Variants in SMARCA4 observed in about 807,000 individuals in gnomAD.
SMARCA4 encodes SWI/SNF-related matrix-associated actin-dependent regulator of chromatin subfamily A member 4.
Under a neutral mutation model 193.9 loss-of-function variants are expected in SMARCA4, and 31 were observed. The observed-to-expected ratio is 0.16, with a 90% CI of 0.12 to 0.22. SMARCA4 has a LOEUF of 0.22. Among genes scored for constraint, SMARCA4 ranks in the 10% least tolerant of loss-of-function variants. The probability of loss-of-function intolerance (pLI) is 1.00; values close to 1 mark genes in which losing one functional copy is unlikely to be tolerated. For synonymous variants in SMARCA4, 942 were observed against 933.1 expected, an observed-to-expected ratio of 1.01 and a Z score of -0.17; for missense variants, 1,148 against 2,296.0, an observed-to-expected ratio of 0.50 and a Z score of 10.22.
At position 11,019,579 on chromosome 19, in the gene SMARCA4, C is replaced by T. The variant is rs2146372286; in HGVS notation, c.2506-12C>T. The T allele has an allele frequency of 6.3e-7, 1 of 1,591,944 alleles. No homozygotes were observed. The highest frequency in any genetic ancestry group is 8.6e-7 in the Non-Finnish European group (1 of 1,163,750). On this transcript the variant is annotated splice_polypyrimidine_tract_variant and intron_variant, in intron 17 of 34. Coordinates refer to ENST00000344626, the MANE Select transcript of SMARCA4 (RefSeq NM_003072.5). The surrounding 1 kb of genome is among the most constrained non-coding windows in gnomAD (Gnocchi z 6.1). ...TCCAAAAGCCGAGCTGTGCATCCTG[C>T]TTCCCTTGCAGGGATCCCCAGCAGC...
chr19:10,999,753 A>G (rs1208320631), intron 11 of SMARCA4, among the ~76,000 whole-genome samples: 2 of 152,206 alleles, frequency 1.3e-5, no homozygotes, highest in East Asian at 1.9e-4. Context: ...CCATAATTCT[A>G]AAATCAGCAA....
intron 14 of SMARCA4, among the ~76,000 whole-genome samples, chr19:11,009,837 T>C (rs976950948): frequency 2.0e-5 from 3 of 151,280 alleles, no homozygotes; most frequent in African/African-American, 7.3e-5. Flanking sequence ...TACAGGCGCC[T>C]GCCACCACGC....
At chr19:11,047,946 G>C (rs905192585) in intron 30 of SMARCA4, among the ~76,000 whole-genome samples, 1 of 152,156 alleles carries the variant, frequency 6.6e-6, no homozygotes, top group Non-Finnish European at 1.5e-5. Flanking sequence ...TTGGGGCGAA[G>C]TTACATTCTT....
rs1327540555 is a variant in SMARCA4, at chr19:11,030,355, C to T, written c.3383-375C>T. Among the ~76,000 whole-genome samples the T allele has an allele frequency of 1.3e-5, 2 of 152,220 alleles. No homozygotes were observed. The highest frequency in any genetic ancestry group is 2.9e-5 in the Non-Finnish European group (2 of 68,044). On this transcript the variant is annotated intron_variant, in intron 24 of 34. Coordinates refer to ENST00000344626, the MANE Select transcript of SMARCA4 (RefSeq NM_003072.5). The surrounding 1 kb of genome is among the most constrained non-coding windows in gnomAD (Gnocchi z 5.5). The stretch of plus-strand genomic sequence containing the variant: ...GCATTGGCCGCTGTGTCTTCCGCTC[C>T]CCATGGAATGGCACAGGGTAGAGTA...
chr19:10,973,865 C>T (rs561327444), intron 1 of SMARCA4, among the ~76,000 whole-genome samples: 44 of 152,268 alleles, frequency 2.9e-4, no homozygotes, highest in Middle Eastern at 3.4e-3. Flanking sequence ...CCACCGCGCC[C>T]GGCCTGGAGG....
chr19:11,060,593 A>G, intron 34 of SMARCA4: 1 of 293,218 alleles, frequency 3.4e-6, no homozygotes, highest in East Asian at 7.7e-5. Context: ...GAGAATGGGC[A>G]GAAACGCCAA....
rs774456140 is a variant in SMARCA4, at chr19:11,033,759, A to G, written c.3775-8A>G. 3 of 779,868 alleles carry G rather than the reference A, an allele frequency of 3.8e-6. No individual in the cohort carries two copies. The highest frequency in any genetic ancestry group is 4.8e-6 in the Non-Finnish European group (2 of 418,366). 48.3% of individuals were successfully genotyped at this position (779,868 alleles called of 1,614,324 possible). A position where few individuals can be genotyped will look rare whatever the true frequency, so the allele number is the denominator to read the frequency against. ...CCCTGGAGACTGAAGTCCTCTATTT[A>G]TCCACAGAGCAGACACTGCAGCACG... On this transcript the variant is annotated splice_region_variant and splice_polypyrimidine_tract_variant and intron_variant, in intron 26 of 34. Transcript: ENST00000344626. This position sits in a 1 kb window ranked among gnomAD's most constrained non-coding sequence, Gnocchi z 9.8.
At chr19:10,962,909 A>G (rs1743302721) in intron 1 of SMARCA4, among the ~76,000 whole-genome samples, 1 of 151,954 alleles carries the variant, frequency 6.6e-6, no homozygotes, top group African/African-American at 2.4e-5. Flanking sequence ...TCATACATCA[A>G]CTTGGTCCTT....
At chr19:11,015,001 G>A (rs1745125174) in intron 16 of SMARCA4, among the ~76,000 whole-genome samples, 2 of 151,922 alleles carry the variant, frequency 1.3e-5, no homozygotes, top group South Asian at 4.1e-4. Flanking sequence ...TTTTAGTAGA[G>A]ACAGGGTTTC....
At chr19:11,060,276 C>G in intron 34 of SMARCA4, 89 bp downstream of exon 34, 1 of 1,441,484 alleles carries the variant, frequency 6.9e-7, no homozygotes, top group Non-Finnish European at 9.5e-7. Context: ...GGCGGTGCTC[C>G]CACGCCCCCA....
rs747530982 is a variant in SMARCA4, at chr19:11,041,255, G to A, written c.4171-52G>A. ...CCCCTGGGATTGCGTCGCGGCCTCT[G>A]CTTGTCGACCTGGGTGCTGGCTGTC... On this transcript the variant is annotated intron_variant, in intron 29 of 34. Transcript: ENST00000344626. This position sits in a 1 kb window ranked among gnomAD's most constrained non-coding sequence, Gnocchi z 5.6. The A allele has an allele frequency of 5.1e-6, 8 of 1,565,642 alleles. No homozygotes were observed. Among genetic ancestry groups the A allele is most frequent in the Middle Eastern group, 1.8e-4 (1 of 5,492 alleles).
At chr19:11,060,313 G>A in intron 34 of SMARCA4, 126 bp downstream of exon 34, 2 of 1,225,938 alleles carry the variant, frequency 1.6e-6, no homozygotes, top group Non-Finnish European at 2.3e-6. Context: ...GCTGAGGCTT[G>A]ACCTGCCATG....
Position 11,019,766 on chromosome 19 carries a change from C to G in SMARCA4, c.2616+65C>G. ...GTGCTCACACGTGGGTCACGCTGCC[C>G]GTCTCCTCCAAAGCCCCTACAAGTT... On this transcript the variant is annotated intron_variant, in intron 18 of 34. Coordinates refer to ENST00000344626, the MANE Select transcript of SMARCA4 (RefSeq NM_003072.5). The surrounding 1 kb of genome is among the most constrained non-coding windows in gnomAD (Gnocchi z 6.1). 1.8e-6 allele frequency: 2 copies of G among 1,105,336 alleles called. No homozygotes were observed. 68.5% of individuals were successfully genotyped at this position (1,105,336 alleles called of 1,614,324 possible).
At chr19:10,989,231 C>T (rs1568429933) in intron 6 of SMARCA4, 86 bp from the exon 7 acceptor site, 25 of 1,547,944 alleles carry the variant, frequency 1.6e-5, no homozygotes, top group East Asian at 2.3e-5. Flanking sequence ...CTGCCTCTCT[C>T]GAGGGATGGG....
intron 1 of SMARCA4, among the ~76,000 whole-genome samples, chr19:10,964,802 AG>A (rs1428966052): frequency 1.3e-5 from 2 of 151,876 alleles, no homozygotes; most frequent in Non-Finnish European, 2.9e-5. Flanking sequence ...ATTTTAGTAG[AG>A]ACCGGGTTTC....
At chr19:10,968,227 A>G (rs371959674) in intron 1 of SMARCA4, among the ~76,000 whole-genome samples, 1 of 152,154 alleles carries the variant, frequency 6.6e-6, no homozygotes, top group South Asian at 2.1e-4. Context: ...ACCTCAGGTG[A>G]TCCGCCTGCC....
intron 34 of SMARCA4, 57 bp downstream of exon 34, chr19:11,060,244 C>T (rs2147129847): frequency 3.2e-6 from 5 of 1,543,250 alleles, no homozygotes; most frequent in Non-Finnish European, 4.4e-6. Flanking sequence ...CATCCCGGGG[C>T]CCTGATGGGA....
At chr19:11,028,051 C>A in intron 24 of SMARCA4, 101 bp downstream of exon 24, 1 of 1,331,424 alleles carries the variant, frequency 7.5e-7, no homozygotes, top group Non-Finnish European at 1.1e-6. Flanking sequence ...GGGTGAGGCC[C>A]AGGCGCTCTG....
chr19:10,989,132 C>G (rs2086325687), intron 6 of SMARCA4, among the ~76,000 whole-genome samples, 185 bp from the exon 7 acceptor site: 1 of 152,232 alleles, frequency 6.6e-6, no homozygotes, highest in African/African-American at 2.4e-5. Context: ...GAGGCCCGGT[C>G]CTGAGGAGTG....
Sources: allele counts gnomAD v4.1 joint callset (sites outside exome capture counted in the v4.1 genomes callset), GRCh38; gene constraint gnomAD v4.1.1; non-coding constraint Gnocchi (gnomAD v3.1); transcripts MANE v1.5; gene names NCBI Gene and HGNC (gene_info 2026-07-23, HGNC 2026-07-21).